Variants in CLASRP observed in about 807,000 individuals in gnomAD.
CLASRP encodes CLK4-associating serine/arginine rich protein.
Under a neutral mutation model 99.9 loss-of-function variants are expected in CLASRP, and 52 were observed. That is an observed-to-expected ratio of 0.52 (90% CI 0.42 to 0.66). The LOEUF is 0.66. CLASRP is among the 30% of genes least tolerant of loss of function. The probability of loss-of-function intolerance (pLI) is 0.00; values close to 1 mark genes in which losing one functional copy is unlikely to be tolerated. For missense variants in CLASRP, 848 were observed against 999.2 expected (o/e 0.85, Z 2.04); for synonymous variants, 379 against 373.0 (o/e 1.02, Z -0.18).
intron 11 of CLASRP, 91 bp from the exon 12 acceptor site, chr19:45,063,921 G>A (rs1967000562): frequency 1.4e-6 from 2 of 1,477,456 alleles, no homozygotes; most frequent in Non-Finnish European, 1.8e-6. Context: ...GCTGTGGCCC[G>A]CGCTGGCGCT....
chr19:45,050,115 G>A (rs932458609), intron 2 of CLASRP, among the ~76,000 whole-genome samples: 5 of 150,898 alleles, frequency 3.3e-5, no homozygotes, highest in Admixed American at 2.0e-4. Flanking sequence ...GGCGTGAGGC[G>A]AGGGCCTGTG....
intron 3 of CLASRP, 50 bp from the exon 4 acceptor site, chr19:45,052,737 CCTGG>C: frequency 7.4e-7 from 1 of 1,342,916 alleles, no homozygotes; most frequent in Admixed American, 1.9e-5. Flanking sequence ...TGCTTTGTGT[CCTGG>C]GCAGTATGGA....
In CLASRP at chr19:45,056,449, G is replaced by A. The variant is rs1358388584; in HGVS notation, c.380-1G>A. The A allele has an allele frequency of 6.2e-7, 1 of 1,613,870 alleles. No individual in the cohort carries two copies. Among genetic ancestry groups the A allele is most frequent in the Non-Finnish European group, 8.5e-7 (1 of 1,179,884 alleles). On this transcript the variant is annotated splice_acceptor_variant, in intron 5 of 20. Coordinates refer to ENST00000221455, the MANE Select transcript of CLASRP (RefSeq NM_007056.3). LOFTEE classifies it high-confidence loss of function. ...GACCTGGGGTCTCTTGTTTGCTGCAGTCTCAGAGGAGCAGTGCCTGTACCA... is the reference window on the plus strand; with the variant it reads ...GACCTGGGGTCTCTTGTTTGCTGCAATCTCAGAGGAGCAGTGCCTGTACCA...
chr19:45,048,876 C>T (rs1971970456), intron 2 of CLASRP, among the ~76,000 whole-genome samples: 1 of 151,938 alleles, frequency 6.6e-6, no homozygotes, highest in Non-Finnish European at 1.5e-5. Context: ...ATCCCAGCTA[C>T]TCGGGAAGCT....
At position 45,052,823 on chromosome 19, in the gene CLASRP, T is replaced by C. The variant is rs746019621; in HGVS notation, c.230T>C (p.Ile77Thr). 6.2e-7 allele frequency: 1 copy of C among 1,612,634 alleles called. No homozygotes were observed. Among genetic ancestry groups the C allele is most frequent in the Admixed American group, 1.7e-5 (1 of 59,602 alleles). Residue 77 changes from isoleucine (I) to threonine (T), a missense_variant, in exon 4 of 21, where the codon ATT becomes ACT. Transcript: ENST00000221455. Reference sequence around the variant, plus strand: ...TGGCAGGGGGACACCAACAACATGATTGACCGATTCGATGTCCGTGCCCAC... The same window carrying C: ...TGGCAGGGGGACACCAACAACATGACTGACCGATTCGATGTCCGTGCCCAC... ...MPWQGDTNNM[I>T]DRFDVRAHLD...
chr19:45,042,302 T>A (rs1971827279), intron 2 of CLASRP, among the ~76,000 whole-genome samples: 1 of 152,090 alleles, frequency 6.6e-6, no homozygotes, highest in African/African-American at 2.4e-5. Context: ...TAGAAAGGCC[T>A]CCTGGACTCT....
chr19:45,051,192 C>T (rs1332599742), intron 2 of CLASRP, among the ~76,000 whole-genome samples: 1 of 152,108 alleles, frequency 6.6e-6, no homozygotes, highest in East Asian at 1.9e-4. Flanking sequence ...AATGAACGGC[C>T]CGGAGGATGG....
chr19:45,059,363 A>G lies in CLASRP; in HGVS notation c.709A>G (p.Arg237Gly). The G allele has an allele frequency of 6.3e-7, 1 of 1,583,512 alleles. No individual in the cohort carries two copies. Among genetic ancestry groups the G allele is most frequent in the Non-Finnish European group, 8.6e-7 (1 of 1,164,062 alleles). Residue 237 changes from arginine to glycine, a missense_variant and splice_region_variant, in exon 8 of 21, where the codon AGG (arginine) becomes GGG (glycine). Around this residue, in one of 8 missense-constraint regions of CLASRP, gnomAD observed 119 missense variants for 170.2 expected, o/e 0.70. Coordinates refer to ENST00000221455, the MANE Select transcript of CLASRP (RefSeq NM_007056.3). ...TGGCATGGCCGACGGTGACTTCGTCAGGTGAGGCCTGCCTGCTGACACCCC... is the reference window on the plus strand; with the variant it reads ...TGGCATGGCCGACGGTGACTTCGTCGGGTGAGGCCTGCCTGCTGACACCCC... ...TYGMADGDFV[R>G]MLRKDKEEAE...
At chr19:45,049,836 G>C (rs1971987901) in intron 2 of CLASRP, among the ~76,000 whole-genome samples, 1 of 152,166 alleles carries the variant, frequency 6.6e-6, no homozygotes, top group Non-Finnish European at 1.5e-5. Context: ...TCTAACATGG[G>C]AGAAAGGTGA....
At chr19:45,050,492 C>T (rs1377260891) in intron 2 of CLASRP, among the ~76,000 whole-genome samples, 3 of 152,044 alleles carry the variant, frequency 2.0e-5, no homozygotes, top group Admixed American at 1.3e-4. Context: ...CAAGACCAGC[C>T]AGACCAACAT....
chr19:45,070,637 T>C (rs1052723075), intron 20 of CLASRP, 76 bp downstream of exon 20: 19 of 1,442,210 alleles, frequency 1.3e-5, no homozygotes, highest in Non-Finnish European at 1.5e-5. Context: ...CTGTCATTCC[T>C]CCAGCCTCAC....
At position 45,060,617 on chromosome 19, in the gene CLASRP, A is replaced by T. The variant is rs993737109; in HGVS notation, c.853A>T (p.Ser285Cys). The T allele has an allele frequency of 6.2e-7, 1 of 1,603,532 alleles. No individual in the cohort carries two copies. ...REKRLRGRKI[S>C]PPSYARRDSP... ...GAAGCGGCTGAGGGGTCGCAAGATC[A>T]GCCCACCCAGGTAGGGCTTCTCCCT... The change falls in exon 10 of 21, where the codon AGC becomes TGC. Residue 285 changes from serine (S) to cysteine (C), a missense_variant. By Grantham distance (112) the Ser-to-Cys change is moderately radical. Around this residue, in one of 8 missense-constraint regions of CLASRP, gnomAD observed 9 missense variants for 28.5 expected, o/e 0.32. Transcript: ENST00000221455. This position sits in a 1 kb window ranked among gnomAD's most constrained non-coding sequence, Gnocchi z 4.6.
intron 2 of CLASRP, among the ~76,000 whole-genome samples, chr19:45,051,197 G>C (rs935489778): frequency 6.6e-6 from 1 of 152,164 alleles, no homozygotes; most frequent in African/African-American, 2.4e-5. Flanking sequence ...ACGGCCCGGA[G>C]GATGGGAGGT....
chr19:45,070,751 G>A, intron 20 of CLASRP, 52 bp from the exon 21 acceptor site: 3 of 1,492,918 alleles, frequency 2.0e-6, no homozygotes, highest in Non-Finnish European at 2.8e-6. Context: ...GGCCCCAGGT[G>A]TGTTGATGTG....
Position 45,049,635 on chromosome 19 carries a change from A to T in CLASRP, c.100-2436A>T, listed in dbSNP as rs138854423. On this transcript the variant is annotated intron_variant, in intron 2 of 20. Transcript: ENST00000221455. The stretch of plus-strand genomic sequence containing the variant: ...GGGCTGAGATGGAGACAGAGTGAGG[A>T]TGTGCAGGAGCTTGGAAACTTGGAG... 9.5e-3 allele frequency among the ~76,000 whole-genome samples: 1,454 copies of T among 152,260 alleles called. 6 individuals carry two copies. Among genetic ancestry groups the T allele is most frequent in the South Asian group, 0.017 (84 of 4,826 alleles).
chr19:45,064,393 G>C lies in CLASRP; in HGVS notation c.1172G>C (p.Ser391Thr). ...SSSSSASRTS[S>T]SRSSSRSSSR... The stretch of plus-strand genomic sequence containing the variant: ...TCCTCTTCTGCCTCGAGGACCTCCA[G>C]CTCCCGCTCCAGCTCTCGCTCCAGC... Residue 391 changes from serine (S) to threonine (T), a missense_variant, in exon 13 of 21, where the codon AGC becomes ACC. Ser to Thr is a moderately conservative substitution (Grantham distance 58). Coordinates refer to ENST00000221455, the MANE Select transcript of CLASRP (RefSeq NM_007056.3). 2 of 1,531,810 alleles carry C rather than the reference G, an allele frequency of 1.3e-6. No homozygotes were observed. Among genetic ancestry groups the C allele is most frequent in the East Asian group, 4.9e-5 (2 of 40,708 alleles). The allele number at this position is 1,531,810 out of a possible 1,614,324, so 94.9% of individuals were successfully genotyped here.
intron 5 of CLASRP, 78 bp from the exon 6 acceptor site, chr19:45,056,372 C>A: frequency 1.5e-6 from 2 of 1,298,452 alleles, no homozygotes; most frequent in Non-Finnish European, 2.2e-6. Context: ...CTTCCTGCCC[C>A]ACCGCACCCT....
Position 45,060,305 on chromosome 19 carries a change from C to T in CLASRP, c.711-84C>T. On this transcript the variant is annotated intron_variant, in intron 8 of 20. Coordinates refer to ENST00000221455, the MANE Select transcript of CLASRP (RefSeq NM_007056.3). The surrounding 1 kb of genome is among the most constrained non-coding windows in gnomAD (Gnocchi z 4.6). ...CTGGCGTGGGGTGACTCAGGTCCCT[C>T]ACTTTCTCTGATGACTCAGTCTGTG... The T allele has an allele frequency of 2.3e-6, 3 of 1,287,018 alleles. No individual in the cohort carries two copies. Among genetic ancestry groups the T allele is most frequent in the South Asian group, 2.4e-5 (2 of 83,188 alleles). The allele number at this position is 1,287,018 out of a possible 1,614,324, so 79.7% of individuals were successfully genotyped here. A position where few individuals can be genotyped will look rare whatever the true frequency, so the allele number is the denominator to read the frequency against.
rs747402636 is a variant in CLASRP at position 45,068,412 on chromosome 19, C to G, written c.1708-8C>G. 12 of 1,597,830 alleles carry G rather than the reference C, an allele frequency of 7.5e-6. No individual in the cohort carries two copies. Among genetic ancestry groups the G allele is most frequent in the East Asian group, 4.5e-5 (2 of 44,812 alleles). ...CCCCCTCTCCCGCCTCTTCTCCCCC[C>G]TCCCCAGCCCAAGCTGACGCCTCAG... On this transcript the variant is annotated splice_polypyrimidine_tract_variant and splice_region_variant and intron_variant, in intron 15 of 20. Transcript: ENST00000221455.
Sources: gnomAD v4.1 joint callset for allele counts (sites outside exome capture counted in the v4.1 genomes callset) on GRCh38, gnomAD v4.1.1 for gene constraint, gnomAD v4.1.1 regional missense constraint, Gnocchi (gnomAD v3.1) non-coding constraint, MANE v1.5 for transcripts, NCBI Gene and HGNC (gene_info 2026-07-23, HGNC 2026-07-21) for gene names.